The following STAT4 variants were observed in gnomAD, a reference collection of about 807,000 sequenced individuals.
STAT4 encodes the protein signal transducer and activator of transcription 4.
In STAT4, 42 loss-of-function variants were observed where a neutral mutation model predicts 110.5. The ratio of observed to expected loss-of-function variants is 0.38; its 90% CI spans 0.30 to 0.49. The LOEUF is 0.49. Among genes scored for constraint, STAT4 ranks in the 20% least tolerant of loss-of-function variants. The pLI, the probability that STAT4 is intolerant of heterozygous loss-of-function variation, is 0.95. For missense variants in STAT4, 632 were observed against 887.9 expected, an observed-to-expected ratio of 0.71 and a Z score of 3.66; for synonymous variants, 284 against 302.2, an observed-to-expected ratio of 0.94 and a Z score of 0.63.
rs1559090052 is a variant in STAT4 at position 191,150,610 on chromosome 2, A to C, written c.-2+337T>G. Among the ~76,000 whole-genome samples the C allele has an allele frequency of 6.6e-6, 1 of 152,210 alleles. No individual in the cohort carries two copies. Among genetic ancestry groups the C allele is most frequent in the Non-Finnish European group, 1.5e-5 (1 of 68,038 alleles). Reference sequence around the variant, plus strand: ...ACGCTAATCTAAAGTCAGACATCACAGCTCTAGAGAAGCTGGCTAAGAAAG... The same window carrying C: ...ACGCTAATCTAAAGTCAGACATCACCGCTCTAGAGAAGCTGGCTAAGAAAG... On this transcript the variant is annotated intron_variant, in intron 1 of 23. Transcript: ENST00000392320. The surrounding 1 kb of genome is among the most constrained non-coding windows in gnomAD (Gnocchi z 6.4).
chr2:191,148,319 G>A (rs1480306229), intron 1 of STAT4, 115 bp from the exon 2 acceptor site: 1 of 1,331,404 alleles, frequency 7.5e-7, no homozygotes, highest in African/African-American at 1.5e-5. Context: ...TATATCCAAG[G>A]ATACAAAAAT....
rs2125142158 is a variant in STAT4, at chr2:191,033,640, A to T, written c.1716-14T>A. On this transcript the variant is annotated splice_polypyrimidine_tract_variant and intron_variant, in intron 19 of 23. Coordinates refer to ENST00000392320, the MANE Select transcript of STAT4 (RefSeq NM_003151.4). This position sits in a 1 kb window ranked among gnomAD's most constrained non-coding sequence, Gnocchi z 6.9. ...CCCATGACATACCTAAAAATAGAAC[A>T]TGCATTATTTCATCTGATCATTATT... 3 of 1,609,570 alleles carry T rather than the reference A, an allele frequency of 1.9e-6. No individual in the cohort carries two copies. The highest frequency in any genetic ancestry group is 3.4e-5 in the Admixed American group (2 of 58,812).
At chr2:191,054,617 T>C (rs1696624001) in intron 13 of STAT4, 83 bp from the exon 14 acceptor site, 1 of 1,247,862 alleles carries the variant, frequency 8.0e-7, no homozygotes, top group Non-Finnish European at 1.1e-6. Context: ...TGCGGTCATT[T>C]TCTTGGCCAC....
chr2:191,150,642 G>A lies in STAT4; in HGVS notation c.-2+305C>T, dbSNP rs986712861. On this transcript the variant is annotated intron_variant, in intron 1 of 23. Transcript: ENST00000392320. This position sits in a 1 kb window ranked among gnomAD's most constrained non-coding sequence, Gnocchi z 6.4. ...GAGAAGCTGGCTAAGAAAGTGAAGA[G>A]GGGCTCACTTTCAGCCTCCGCGAGG... is the stretch of plus-strand genomic sequence containing the variant. Among the ~76,000 whole-genome samples, 3 of 152,190 alleles carry A rather than the reference G, an allele frequency of 2.0e-5. No homozygotes were observed. The highest frequency in any genetic ancestry group is 7.2e-5 in the African/African-American group (3 of 41,442).
Position 191,132,115 on chromosome 2 carries a change from T to C in STAT4, c.273+14498A>G, listed in dbSNP as rs564069671. 2.6e-5 allele frequency among the ~76,000 whole-genome samples: 4 copies of C among 151,904 alleles called. No homozygotes were observed. In the East Asian group the frequency reaches 7.7e-4, roughly 29 times the overall value. On this transcript the variant is annotated intron_variant, in intron 3 of 23. Transcript: ENST00000392320. ...TTCTGTTCTCTTTGACTTTTCACTA[T>C]AAGCAGAGCTTATATTCAGTGGGTA... is the stretch of plus-strand genomic sequence containing the variant.
chr2:191,076,004 CATA>C, intron 4 of STAT4: 1 of 474,200 alleles, frequency 2.1e-6, no homozygotes, highest in Admixed American at 3.3e-5. Flanking sequence ...CATGTGCCAC[CATA>C]GCCAACTAAT....
intron 8 of STAT4, 94 bp downstream of exon 8, chr2:191,064,713 T>C (rs1696938621): frequency 1.4e-6 from 2 of 1,426,938 alleles, no homozygotes; most frequent in Non-Finnish European, 9.4e-7. Flanking sequence ...AATGAACTGA[T>C]GTTGCAGTCT....
chr2:191,137,502 AC>A (rs1377767660), intron 3 of STAT4, among the ~76,000 whole-genome samples: 1 of 152,196 alleles, frequency 6.6e-6, no homozygotes, highest in Non-Finnish European at 1.5e-5. Context: ...AATAGAAAAA[AC>A]AAAATAGTAA....
rs1696754950 is a variant in STAT4 at position 191,058,072 on chromosome 2, G to A, written c.1152C>T (p.Ala384=). The part of the protein sequence containing the change: ...RFVLCGTNVK[A]MSIEESSNGS... ...CATTGGAAGATTCTTCAATAGACAT[G>A]GCTTTGACATTAGTTCCACAAAGTA... The change falls in exon 13 of 24, where the codon GCC becomes GCT. Residue 384 remains alanine (A), a synonymous_variant. Coordinates refer to ENST00000392320, the MANE Select transcript of STAT4 (RefSeq NM_003151.4). The surrounding 1 kb of genome is among the most constrained non-coding windows in gnomAD (Gnocchi z 4.3). 1.2e-6 allele frequency: 2 copies of A among 1,614,006 alleles called. No individual in the cohort carries two copies. Among genetic ancestry groups the A allele is most frequent in the Non-Finnish European group, 1.7e-6 (2 of 1,179,980 alleles).
intron 14 of STAT4, among the ~76,000 whole-genome samples, chr2:191,044,743 G>C (rs865972744): frequency 6.6e-6 from 1 of 152,174 alleles, no homozygotes. Flanking sequence ...TGCTCCCAGA[G>C]CGATGTTGCC....
intron 3 of STAT4, chr2:191,131,921 G>A (rs963642168): frequency 7.3e-6 from 10 of 1,370,304 alleles, no homozygotes; most frequent in Non-Finnish European, 9.5e-7. Context: ...TTAGAGGTCT[G>A]TTTATTCTCT....
chr2:191,029,722 A>C lies in STAT4; in HGVS notation c.*118T>G, dbSNP rs1429733296. The C allele has an allele frequency of 7.3e-6, 7 of 956,814 alleles. No individual in the cohort carries two copies. The African/African-American group carries it at 1.0e-4, about 14-fold the overall frequency. 59.3% of individuals were successfully genotyped at this position (956,814 alleles called of 1,614,324 possible). On this transcript the variant is annotated 3_prime_UTR_variant, in exon 24 of 24. Transcript: ENST00000392320. The surrounding 1 kb of genome is among the most constrained non-coding windows in gnomAD (Gnocchi z 4.5). ...GTGTGAAGAGAGCTTCAGATGTCAA[A>C]CATTTCCTAGAACCTGGTATTTACA... is the stretch of plus-strand genomic sequence containing the variant.
At chr2:191,097,541 T>C (rs1266726283) in intron 3 of STAT4, among the ~76,000 whole-genome samples, 2 of 152,218 alleles carry the variant, frequency 1.3e-5, no homozygotes, top group Non-Finnish European at 2.9e-5. Context: ...ATTTAATAAA[T>C]GGTGCTGGGA....
At chr2:191,041,850 A>G (rs565342102) in intron 14 of STAT4, among the ~76,000 whole-genome samples, 1 of 152,314 alleles carries the variant, frequency 6.6e-6, no homozygotes, top group East Asian at 1.9e-4. Flanking sequence ...AGACCTGGGC[A>G]CAGGAGGGAG....
At chr2:191,069,412 A>T (rs1425131482) in intron 6 of STAT4, among the ~76,000 whole-genome samples, 1 of 152,036 alleles carries the variant, frequency 6.6e-6, no homozygotes, top group Non-Finnish European at 1.5e-5. Context: ...CCTATGCTGA[A>T]GTAGGGGTAA....
chr2:191,041,854 G>A (rs1007247989), intron 14 of STAT4, among the ~76,000 whole-genome samples: 9 of 152,206 alleles, frequency 5.9e-5, no homozygotes, highest in Non-Finnish European at 1.0e-4. Flanking sequence ...CTGGGCACAG[G>A]AGGGAGGTTT....
rs2125160573 is a variant in STAT4 at position 191,039,705 on chromosome 2, A to T, written c.1336-408T>A. Among the ~76,000 whole-genome samples, 1 of 152,354 alleles carries T rather than the reference A, an allele frequency of 6.6e-6. No homozygotes were observed. The highest frequency in any genetic ancestry group is 2.1e-4 in the South Asian group (1 of 4,824). On this transcript the variant is annotated intron_variant, in intron 15 of 23. Transcript: ENST00000392320. The surrounding 1 kb of genome is among the most constrained non-coding windows in gnomAD (Gnocchi z 4.7). ...TCTCTGGAATGAATCAGTACCTTCAAATTATGACCTAACACCTAATTAACA... is the reference window on the plus strand; with the variant it reads ...TCTCTGGAATGAATCAGTACCTTCATATTATGACCTAACACCTAATTAACA...
At chr2:191,057,602 CTTT>C (rs112604744) in intron 13 of STAT4, among the ~76,000 whole-genome samples, 1 of 98,592 alleles carries the variant, frequency 1.0e-5, no homozygotes, top group Non-Finnish European at 2.2e-5. Context: ...TTTTCTTTTT[CTTT>C]TTTTTTTTTT....
intron 3 of STAT4, among the ~76,000 whole-genome samples, chr2:191,125,246 C>T (rs188419857): frequency 3.5e-4 from 53 of 152,146 alleles, no homozygotes; most frequent in Admixed American, 1.6e-3. Context: ...ACAGATTAAA[C>T]GATAGAAATC....
Sources: allele counts gnomAD v4.1 joint callset (sites outside exome capture counted in the v4.1 genomes callset), GRCh38; gene constraint gnomAD v4.1.1; non-coding constraint Gnocchi (gnomAD v3.1); transcripts MANE v1.5; gene names NCBI Gene and HGNC (gene_info 2026-07-23, HGNC 2026-07-21).